Variants in CDC73 observed in about 807,000 individuals in gnomAD.
CDC73 encodes the protein cell division cycle 73.
A neutral mutation model predicts 83.7 loss-of-function variants in CDC73; 21 were observed. That is an observed-to-expected ratio of 0.25 (90% CI 0.18 to 0.36). CDC73 has a LOEUF of 0.36. CDC73 is among the 10% of genes least tolerant of loss of function. The pLI is 1.00. For synonymous variants in CDC73, 224 were observed against 212.9 expected, an observed-to-expected ratio of 1.05 and a Z score of -0.45; for missense variants, 342 against 653.3, an observed-to-expected ratio of 0.52 and a Z score of 5.19.
intron 6 of CDC73, among the ~76,000 whole-genome samples, chr1:193,141,297 A>G (rs575726801): frequency 6.6e-6 from 1 of 152,312 alleles, no homozygotes; most frequent in East Asian, 1.9e-4. Context: ...TTGAAAATCA[A>G]GAAAAGGGAA....
intron 1 of CDC73, among the ~76,000 whole-genome samples, chr1:193,123,096 G>C (rs184859860): frequency 1.1e-4 from 17 of 152,270 alleles, no homozygotes; most frequent in African/African-American, 1.9e-4. Flanking sequence ...TTTTAATGAT[G>C]TCACTGTCAT....
chr1:193,246,915 C>G (rs1226527016), intron 15 of CDC73, among the ~76,000 whole-genome samples: 1 of 152,116 alleles, frequency 6.6e-6, no homozygotes, highest in African/African-American at 2.4e-5. Flanking sequence ...AGTTTCTAGA[C>G]TAATCCATTT....
At chr1:193,181,443 A>G in intron 10 of CDC73, 1 of 1,614,064 alleles carries the variant, frequency 6.2e-7, no homozygotes, top group Non-Finnish European at 8.5e-7. Flanking sequence ...TGAAAAACAA[A>G]AACATAGCAA....
intron 10 of CDC73, among the ~76,000 whole-genome samples, chr1:193,176,064 C>T (rs1676597267): frequency 6.6e-6 from 1 of 152,064 alleles, no homozygotes; most frequent in South Asian, 2.1e-4. Flanking sequence ...AAATTTTAAA[C>T]ACATTTTTAA....
At chr1:193,183,711 A>G (rs940419851) in intron 10 of CDC73, among the ~76,000 whole-genome samples, 1 of 151,856 alleles carries the variant, frequency 6.6e-6, no homozygotes, top group Admixed American at 6.6e-5. Context: ...AGTAGATATA[A>G]GGGTTATGTA....
intron 14 of CDC73, among the ~76,000 whole-genome samples, chr1:193,234,863 T>A (rs951335070): frequency 6.6e-6 from 1 of 151,560 alleles, no homozygotes; most frequent in East Asian, 1.9e-4. Flanking sequence ...AAAGGGGAAA[T>A]TTTTTAACTT....
At chr1:193,149,006 A>G (rs1325628599) in intron 8 of CDC73, among the ~76,000 whole-genome samples, 2 of 152,134 alleles carry the variant, frequency 1.3e-5, no homozygotes, top group Non-Finnish European at 1.5e-5. Context: ...ACTTTGTAGT[A>G]GTTTTATTTG....
chr1:193,242,195 G>A (rs1407215334), intron 15 of CDC73, among the ~76,000 whole-genome samples: 2 of 152,174 alleles, frequency 1.3e-5, no homozygotes, highest in Non-Finnish European at 2.9e-5. Flanking sequence ...TCTGGTGGGG[G>A]CCGAGCCCTC....
chr1:193,207,239 G>T (rs914769344), intron 11 of CDC73, among the ~76,000 whole-genome samples: 3 of 152,144 alleles, frequency 2.0e-5, no homozygotes, highest in Non-Finnish European at 4.4e-5. Flanking sequence ...CGAACAGGGA[G>T]TAGGTCACAA....
Position 193,122,177 on chromosome 1 carries a change from C to T in CDC73, c.-24C>T, listed in dbSNP as rs1675460827. ...GCGGCGGCAGCGGCGGCGCCCCGAGCCGGCGGAGGCGAGGGGGGGGAAGAT... is the reference window on the plus strand; with the variant it reads ...GCGGCGGCAGCGGCGGCGCCCCGAGTCGGCGGAGGCGAGGGGGGGGAAGAT... On this transcript the variant is annotated 5_prime_UTR_variant, in exon 1 of 17. Transcript: ENST00000367435. The T allele has an allele frequency of 5.6e-6, 9 of 1,611,196 alleles. No homozygotes were observed. Among genetic ancestry groups the T allele is most frequent in the Non-Finnish European group, 7.6e-6 (9 of 1,178,030 alleles).
At chr1:193,205,076 A>G (rs1407694365) in intron 11 of CDC73, among the ~76,000 whole-genome samples, 1 of 151,658 alleles carries the variant, frequency 6.6e-6, no homozygotes, top group Non-Finnish European at 1.5e-5. Flanking sequence ...ATTTTTATAG[A>G]TCATTTAGAT....
chr1:193,186,755 T>C (rs1361471856), intron 10 of CDC73: 4 of 152,274 alleles, frequency 2.6e-5, no homozygotes, highest in South Asian at 2.1e-4. Flanking sequence ...TGATAAATTA[T>C]ATATGTTGAA....
intron 7 of CDC73, among the ~76,000 whole-genome samples, chr1:193,145,906 A>G (rs1675992107): frequency 6.6e-6 from 1 of 152,234 alleles, no homozygotes; most frequent in Non-Finnish European, 1.5e-5. Flanking sequence ...CTCTCACAGA[A>G]GTTATACTCT....
chr1:193,181,228 A>T, intron 10 of CDC73: 2 of 1,614,080 alleles, frequency 1.2e-6, no homozygotes, highest in Non-Finnish European at 1.7e-6. Flanking sequence ...TGTATTCTCC[A>T]GGCCTGTAAC....
intron 16 of CDC73, 135 bp from the exon 17 acceptor site, chr1:193,250,541 T>A: frequency 1.5e-6 from 1 of 657,780 alleles, no homozygotes; most frequent in Admixed American, 2.7e-5. Flanking sequence ...TCTTTATATT[T>A]CCAGTTTTCT....
chr1:193,162,729 T>A (rs1306782573), intron 10 of CDC73, among the ~76,000 whole-genome samples: 2 of 152,096 alleles, frequency 1.3e-5, no homozygotes, highest in African/African-American at 4.8e-5. Context: ...TCCTCTACAG[T>A]GAATTCTGGA....
At chr1:193,205,775 A>G (rs896021845) in intron 11 of CDC73, among the ~76,000 whole-genome samples, 1 of 152,176 alleles carries the variant, frequency 6.6e-6, no homozygotes, top group African/African-American at 2.4e-5. Context: ...CCAGAAACTA[A>G]GAGAAGCTAA....
chr1:193,180,369 T>C, intron 10 of CDC73: 1 of 1,613,334 alleles, frequency 6.2e-7, no homozygotes, highest in South Asian at 1.1e-5. Context: ...GCTTATTTTG[T>C]TGTAAATGGT....
At chr1:193,208,952 A>G (rs1012254617) in intron 11 of CDC73, among the ~76,000 whole-genome samples, 2 of 151,978 alleles carry the variant, frequency 1.3e-5, no homozygotes, top group Non-Finnish European at 2.9e-5. Context: ...AGCTGTTTGC[A>G]TTATATCTAA....
Sources: gnomAD v4.1 joint callset for allele counts (sites outside exome capture counted in the v4.1 genomes callset) on GRCh38, gnomAD v4.1.1 for gene constraint, MANE v1.5 for transcripts, NCBI Gene and HGNC (gene_info 2026-07-23, HGNC 2026-07-21) for gene names.